Variants in GLRA2 observed in about 807,000 individuals in gnomAD.
The protein encoded by GLRA2 is glycine receptor subunit alpha-2.
GLRA2 carries 11 observed loss-of-function variants against 31.6 expected under a neutral mutation model. That is an observed-to-expected ratio of 0.35 (90% CI 0.22 to 0.58). The LOEUF (loss-of-function observed/expected upper bound fraction) is 0.58, where lower values mean the gene tolerates loss of function less well. Among genes scored for constraint, GLRA2 ranks in the 20% least tolerant of loss-of-function variants. The probability of loss-of-function intolerance (pLI) is 0.84; values close to 1 mark genes in which losing one functional copy is unlikely to be tolerated. For missense variants in GLRA2, 212 were observed against 351.8 expected, an observed-to-expected ratio of 0.60 and a Z score of 3.18; for synonymous variants, 132 against 134.0, an observed-to-expected ratio of 0.99 and a Z score of 0.10.
chrX:14,542,033 G>C (rs2089412207), intron 2 of GLRA2, among the ~76,000 whole-genome samples: 1 of 111,257 alleles, frequency 9.0e-6, no homozygotes, highest in South Asian at 3.8e-4. Context: ...TGGATGATGG[G>C]ATCTTGGAGT....
At chrX:14,685,791 G>GT (rs759257263) in intron 7 of GLRA2, among the ~76,000 whole-genome samples, 1 of 111,527 alleles carries the variant, frequency 9.0e-6, no homozygotes, top group African/African-American at 3.3e-5. Context: ...TTTTTGAAGG[G>GT]TTTTTTGTGT....
intron 7 of GLRA2, among the ~76,000 whole-genome samples, chrX:14,649,216 A>T (rs922677614): frequency 5.6e-5 from 6 of 106,874 alleles, no homozygotes; most frequent in Non-Finnish European, 7.9e-5. Context: ...CCGTTTTTTA[A>T]AAAAAAAAAA....
chrX:14,612,460 G>A (rs1433726460), intron 7 of GLRA2, among the ~76,000 whole-genome samples: 12 of 111,103 alleles, frequency 1.1e-4, no homozygotes, highest in Admixed American at 9.6e-4. Flanking sequence ...TTGACCCAGC[G>A]AACTCATTAC....
intron 7 of GLRA2, among the ~76,000 whole-genome samples, chrX:14,667,135 A>G (rs2091045127): frequency 8.9e-6 from 1 of 112,178 alleles, no homozygotes; most frequent in South Asian, 3.7e-4. Context: ...GGAAATTGAG[A>G]TGAGAATTTA....
chrX:14,697,408 C>T (rs1009473621), intron 8 of GLRA2, among the ~76,000 whole-genome samples: 4 of 111,906 alleles, frequency 3.6e-5, no homozygotes, highest in African/African-American at 9.8e-5. Context: ...GGTGATCCTC[C>T]GGTATAGGGG....
At chrX:14,642,401 TATG>T (rs2090783759) in intron 7 of GLRA2, among the ~76,000 whole-genome samples, 1 of 112,006 alleles carries the variant, frequency 8.9e-6, no homozygotes, top group Non-Finnish European at 1.9e-5. Context: ...CACAGCTAAG[TATG>T]ATTATTCAGT....
chrX:14,651,443 A>G (rs2090889190), intron 7 of GLRA2, among the ~76,000 whole-genome samples: 1 of 111,513 alleles, frequency 9.0e-6, no homozygotes, highest in Non-Finnish European at 1.9e-5. Flanking sequence ...TTTTTGGTCA[A>G]CGATGAACCA....
intron 2 of GLRA2, among the ~76,000 whole-genome samples, chrX:14,553,212 TG>T (rs2089590998): frequency 8.9e-6 from 1 of 112,101 alleles, no homozygotes; most frequent in South Asian, 3.8e-4. Flanking sequence ...ATACAAAATG[TG>T]GTGGCCTTCA....
intron 8 of GLRA2, among the ~76,000 whole-genome samples, chrX:14,727,752 G>A (rs959419300): frequency 8.0e-5 from 9 of 112,111 alleles, no homozygotes; most frequent in Non-Finnish European, 1.3e-4. Context: ...CTTCATTATC[G>A]AGTTTATATA....
At chrX:14,490,508 C>T in the GLRA2 span, among the ~76,000 whole-genome samples, 1 of 112,371 alleles carries the variant, frequency 8.9e-6, no homozygotes, top group African/African-American at 3.2e-5. Flanking sequence ...CAGGAACAGA[C>T]AATTCTCTAA....
intron 4 of GLRA2, among the ~76,000 whole-genome samples, chrX:14,593,919 C>T (rs947382568): frequency 8.9e-6 from 1 of 112,890 alleles, no homozygotes; most frequent in African/African-American, 3.2e-5. Context: ...GTGACAGTTG[C>T]ATCTACTTTC....
At chrX:14,579,896 T>C (rs1193345627) in intron 3 of GLRA2, among the ~76,000 whole-genome samples, 2 of 112,311 alleles carry the variant, frequency 1.8e-5, no homozygotes, top group East Asian at 5.6e-4. Context: ...TTGTATAGTT[T>C]AGTAAATAGG....
the GLRA2 span, among the ~76,000 whole-genome samples, chrX:14,495,354 T>C: frequency 1.8e-5 from 2 of 110,830 alleles, no homozygotes; most frequent in Admixed American, 9.6e-5. Context: ...CGAATGGACA[T>C]TATGTTTTAC....
At chrX:14,721,717 A>G (rs1441197637) in intron 8 of GLRA2, among the ~76,000 whole-genome samples, 1 of 111,209 alleles carries the variant, frequency 9.0e-6, no homozygotes, top group African/African-American at 3.3e-5. Flanking sequence ...GGCTGAAAAG[A>G]CTTATTCTGG....
At chrX:14,589,245 G>A (rs766429254) in intron 4 of GLRA2, among the ~76,000 whole-genome samples, 21 of 110,860 alleles carry the variant, frequency 1.9e-4, no homozygotes, top group Non-Finnish European at 3.4e-4. Flanking sequence ...TTTGAGCGAT[G>A]TTCCTTTGAT....
In GLRA2 at chrX:14,532,258, C is replaced by G. The variant is rs765896757; in HGVS notation, c.88C>G (p.His30Asp). 1 of 1,182,133 alleles carries G rather than the reference C, an allele frequency of 8.5e-7. No homozygotes were observed. Among genetic ancestry groups the G allele is most frequent in the Non-Finnish European group, 1.1e-6 (1 of 877,096 alleles). ...GTTTAGGACGGCTTTCTGCAAAGAC[C>G]ATGACTCCAGGTCTGGAAAACAACC... ...NHFRTAFCKDHDSRSGKQPSQ... is the reference protein window; with the variant it reads ...NHFRTAFCKDDDSRSGKQPSQ... The change falls in exon 2 of 9, where the codon CAT becomes GAT. Residue 30 changes from histidine to aspartate, a missense_variant. Physicochemically the swap from His to Asp is moderately conservative, Grantham distance 81. This residue lies in a region of GLRA2 where 33 missense variants were observed against 27.7 expected (regional missense o/e 1.19). Transcript: ENST00000218075.
chrX:14,576,592 T>C (rs1270738060), intron 3 of GLRA2, among the ~76,000 whole-genome samples: 1 of 112,222 alleles, frequency 8.9e-6, no homozygotes, highest in African/African-American at 3.2e-5. Flanking sequence ...TTGCATCGTA[T>C]TCTCAATCAA....
intron 2 of GLRA2, among the ~76,000 whole-genome samples, chrX:14,549,509 TGAA>T (rs930347006): frequency 9.0e-6 from 1 of 111,496 alleles, no homozygotes; most frequent in Non-Finnish European, 1.9e-5. Flanking sequence ...AGAGAGATGA[TGAA>T]GGTTTGGGCT....
At chrX:14,617,306 A>AG (rs1468388091) in intron 7 of GLRA2, among the ~76,000 whole-genome samples, 1 of 112,128 alleles carries the variant, frequency 8.9e-6, no homozygotes, top group Non-Finnish European at 1.9e-5. Context: ...GTCAGGCACT[A>AG]TGTTATAATA....
Sources: allele counts gnomAD v4.1 joint callset (sites outside exome capture counted in the v4.1 genomes callset), GRCh38; gene constraint gnomAD v4.1.1; regional missense constraint gnomAD v4.1.1; transcripts MANE v1.5; gene names NCBI Gene and HGNC (gene_info 2026-07-23, HGNC 2026-07-21).